TAOK3: variants seen among roughly 807,000 people sequenced by gnomAD.
TAOK3 encodes TAO kinase 3.
Under a neutral mutation model 120.4 loss-of-function variants are expected in TAOK3, and 40 were observed. The ratio of observed to expected loss-of-function variants is 0.33; its 90% confidence interval spans 0.26 to 0.43. TAOK3 has a LOEUF of 0.43. Among genes scored for constraint, TAOK3 ranks in the 20% least tolerant of loss-of-function variants. The pLI is 1.00. For synonymous variants in TAOK3, 355 were observed against 387.5 expected, an observed-to-expected ratio of 0.92 and a Z score of 0.99; for missense variants, 821 against 1,112.1, an observed-to-expected ratio of 0.74 and a Z score of 3.72.
At chr12:118,310,976 G>C (rs1294881256) in intron 1 of TAOK3, among the ~76,000 whole-genome samples, 1 of 152,070 alleles carries the variant, frequency 6.6e-6, no homozygotes, top group Admixed American at 6.6e-5. Flanking sequence ...ATAGTTACTG[G>C]CTATATCTAC....
At chr12:118,272,025 C>T (rs920922528) in intron 1 of TAOK3, among the ~76,000 whole-genome samples, 2 of 152,204 alleles carry the variant, frequency 1.3e-5, no homozygotes, top group Non-Finnish European at 2.9e-5. Context: ...AAGATTTCAT[C>T]AGAGATGTGC....
At chr12:118,179,876 C>T (rs944793162) in intron 15 of TAOK3, among the ~76,000 whole-genome samples, 6 of 150,498 alleles carry the variant, frequency 4.0e-5, no homozygotes, top group Non-Finnish European at 8.9e-5. Context: ...AAACTCTTGA[C>T]CTCAAGTGAT....
At chr12:118,167,899 T>A (rs1174831648) in intron 17 of TAOK3, among the ~76,000 whole-genome samples, 3 of 152,172 alleles carry the variant, frequency 2.0e-5, no homozygotes, top group Non-Finnish European at 2.9e-5. Context: ...GGAAGTTGCT[T>A]TACCAGCGTG....
intron 1 of TAOK3, among the ~76,000 whole-genome samples, chr12:118,342,931 C>A (rs502797): frequency 4.8e-4 from 49 of 101,312 alleles, no homozygotes; most frequent in Admixed American, 8.0e-4. Context: ...AAGCCTCTGT[C>A]TGCTAAAAAA....
At chr12:118,250,716 T>C (rs942180147) in intron 3 of TAOK3, among the ~76,000 whole-genome samples, 1 of 151,978 alleles carries the variant, frequency 6.6e-6, no homozygotes, top group Non-Finnish European at 1.5e-5. Flanking sequence ...ATAACAAAAA[T>C]AAAACAATAA....
intron 2 of TAOK3, among the ~76,000 whole-genome samples, chr12:118,256,330 GA>G (rs1339268575): frequency 6.6e-6 from 1 of 152,088 alleles, no homozygotes; most frequent in Non-Finnish European, 1.5e-5. Context: ...TGCCATTTTA[GA>G]AAACAGCCCT....
intron 1 of TAOK3, among the ~76,000 whole-genome samples, chr12:118,297,911 T>G (rs557263143): frequency 6.6e-6 from 1 of 152,126 alleles, no homozygotes; most frequent in Non-Finnish European, 1.5e-5. Flanking sequence ...GTAACAATAA[T>G]GAAGACTATA....
rs115112741 is a variant in TAOK3 at position 118,288,395 on chromosome 12, G to T, written c.-193-21636C>A. Among the ~76,000 whole-genome samples the T allele has an allele frequency of 6.3e-3, 964 of 152,094 alleles. 10 individuals carry two copies. The highest frequency in any genetic ancestry group is 0.022 in the African/African-American group (928 of 41,504). On this transcript the variant is annotated intron_variant, in intron 1 of 20. Coordinates refer to ENST00000392533, the MANE Select transcript of TAOK3 (RefSeq NM_016281.4). ...TGAGGTCATATGGGTGGGTGGCCTT[G>T]TAAGTAGAGGACTAGACAGTGATAA...
At chr12:118,289,289 A>G (rs2140502282) in intron 1 of TAOK3, among the ~76,000 whole-genome samples, 1 of 118,626 alleles carries the variant, frequency 8.4e-6, no homozygotes, top group African/African-American at 3.6e-5. Context: ...ACACACCAAG[A>G]CTGTCTCAAA....
intron 9 of TAOK3, among the ~76,000 whole-genome samples, chr12:118,227,364 T>C (rs1285927285): frequency 6.7e-6 from 1 of 149,076 alleles, no homozygotes; most frequent in African/African-American, 2.4e-5. Flanking sequence ...AGTAATATTT[T>C]ATAAGAATAA....
At position 118,329,227 on chromosome 12, in the gene TAOK3, C is replaced by T. The variant is rs530100546; in HGVS notation, c.-194+43421G>A. Among the ~76,000 whole-genome samples, 3 of 152,236 alleles carry T rather than the reference C, an allele frequency of 2.0e-5. No individual in the cohort carries two copies. In the South Asian group the frequency reaches 6.2e-4, roughly 32 times the overall value. ...ATATAGATGTTTGGACCTTTAAACTCGCTTTAAACTCTACATGATGTTTCC... is the reference window on the plus strand; with the variant it reads ...ATATAGATGTTTGGACCTTTAAACTTGCTTTAAACTCTACATGATGTTTCC... On this transcript the variant is annotated intron_variant, in intron 1 of 20. Coordinates refer to ENST00000392533, the MANE Select transcript of TAOK3 (RefSeq NM_016281.4).
intron 19 of TAOK3, among the ~76,000 whole-genome samples, chr12:118,153,843 T>G (rs2034620804): frequency 6.6e-6 from 1 of 152,242 alleles, no homozygotes; most frequent in African/African-American, 2.4e-5. Flanking sequence ...TTTAGTTATT[T>G]GCATGTATCT....
chr12:118,162,508 G>C (rs1196665547), intron 17 of TAOK3, among the ~76,000 whole-genome samples: 1 of 152,172 alleles, frequency 6.6e-6, no homozygotes, highest in Non-Finnish European at 1.5e-5. Context: ...GTATTGGGAA[G>C]AGTTCTCCAG....
At chr12:118,217,811 GTATACATATATATATATATA>G (rs1215010785) in intron 9 of TAOK3, among the ~76,000 whole-genome samples, 1,001 of 75,374 alleles carry the variant, frequency 0.013, 68 homozygotes, top group African/African-American at 0.047. Context: ...GTGTGTGTGT[GTATACATATATATATATATA>G]TATATATATA....
intron 17 of TAOK3, among the ~76,000 whole-genome samples, chr12:118,170,518 T>G (rs542304222): frequency 1.3e-5 from 2 of 152,166 alleles, no homozygotes; most frequent in Non-Finnish European, 2.9e-5. Context: ...TCTCCACACT[T>G]TGGGAGGCTG....
In TAOK3 at chr12:118,190,683, T is replaced by C. The variant is rs1264115410; in HGVS notation, c.1195-742A>G. ...GAGTGAGTAAAGCTGGAATTTAATGTCCTTGACTGATTTAATCAAGCCCAT... is the reference window on the plus strand; with the variant it reads ...GAGTGAGTAAAGCTGGAATTTAATGCCCTTGACTGATTTAATCAAGCCCAT... On this transcript the variant is annotated intron_variant, in intron 13 of 20. Coordinates refer to ENST00000392533, the MANE Select transcript of TAOK3 (RefSeq NM_016281.4). 54 of 152,242 alleles carry C rather than the reference T, an allele frequency of 3.5e-4. 1 individual carries two copies. The highest frequency in any genetic ancestry group is 5.7e-4 in the Non-Finnish European group (39 of 68,044). 9.4% of individuals were successfully genotyped at this position (152,242 alleles called of 1,614,324 possible).
At chr12:118,240,840 C>A (rs991684283) in intron 5 of TAOK3, among the ~76,000 whole-genome samples, 1 of 151,862 alleles carries the variant, frequency 6.6e-6, no homozygotes, top group African/African-American at 2.4e-5. Context: ...CCAATATCAA[C>A]ATATTAGTTC....
Position 118,255,675 on chromosome 12 carries a change from G to T in TAOK3, c.-88-20C>A. The T allele has an allele frequency of 8.4e-7, 1 of 1,192,924 alleles. No individual in the cohort carries two copies. Among genetic ancestry groups the T allele is most frequent in the Non-Finnish European group, 1.2e-6 (1 of 859,630 alleles). The allele number at this position is 1,192,924 out of a possible 1,614,324, so 73.9% of individuals were successfully genotyped here. A position where few individuals can be genotyped will look rare whatever the true frequency, so the allele number is the denominator to read the frequency against. The stretch of plus-strand genomic sequence containing the variant: ...CAGTACCTGTAGAAAAATAAGGTTT[G>T]CCATTAAATTATTTCTAACACATTT... On this transcript the variant is annotated intron_variant, in intron 2 of 20. Coordinates refer to ENST00000392533, the MANE Select transcript of TAOK3 (RefSeq NM_016281.4).
In TAOK3 at chr12:118,150,258, A is replaced by C. The variant is rs1325038126; in HGVS notation, c.*739T>G. ...GCTACTGGGATTCTGTGAGCTCCTTAAGTGTATTCACATCCTCTGCAACAG... is the reference window on the plus strand; with the variant it reads ...GCTACTGGGATTCTGTGAGCTCCTTCAGTGTATTCACATCCTCTGCAACAG... On this transcript the variant is annotated 3_prime_UTR_variant, in exon 21 of 21. Transcript: ENST00000392533. 3 of 152,634 alleles carry C rather than the reference A, an allele frequency of 2.0e-5. No individual in the cohort carries two copies. The highest frequency in any genetic ancestry group is 1.3e-4 in the Admixed American group (2 of 15,284). 9.5% of individuals were successfully genotyped at this position (152,634 alleles called of 1,614,324 possible).
Sources: gnomAD v4.1 joint callset for allele counts (sites outside exome capture counted in the v4.1 genomes callset) on GRCh38, gnomAD v4.1.1 for gene constraint, MANE v1.5 for transcripts, NCBI Gene and HGNC (gene_info 2026-07-23, HGNC 2026-07-21) for gene names.